Variants in CLIC5 observed in about 807,000 individuals in gnomAD.
The protein encoded by CLIC5 is CLIC family member 5, also known as chloride intracellular channel protein 5.
A neutral mutation model predicts 24.7 loss-of-function variants in CLIC5; 20 were observed. The ratio of observed to expected loss-of-function variants is 0.81; its 90% CI spans 0.57 to 1.18. The LOEUF is 1.18. Ranked by LOEUF, CLIC5 falls within the 50% of genes most tolerant of loss-of-function variation. CLIC5 has a pLI of 0.00. For synonymous variants in CLIC5, 159 were observed against 135.6 expected, an observed-to-expected ratio of 1.17 and a Z score of -1.20; for missense variants, 341 against 326.1, an observed-to-expected ratio of 1.05 and a Z score of -0.35.
At chr6:46,022,208 T>C (rs1174474513) in intron 1 of CLIC5, among the ~76,000 whole-genome samples, 1 of 152,224 alleles carries the variant, frequency 6.6e-6, no homozygotes, top group Admixed American at 6.5e-5. Flanking sequence ...TGACATGTAC[T>C]GTAAAATAAT....
At chr6:46,078,311 G>C (rs1734973577) in intron 1 of CLIC5, among the ~76,000 whole-genome samples, 1 of 151,894 alleles carries the variant, frequency 6.6e-6, no homozygotes, top group South Asian at 2.1e-4. Flanking sequence ...AGTGAGCTGA[G>C]ATCATGCCAT....
chr6:45,906,394 G>A (rs901919727), intron 5 of CLIC5, among the ~76,000 whole-genome samples: 3 of 152,058 alleles, frequency 2.0e-5, no homozygotes, highest in African/African-American at 7.2e-5. Flanking sequence ...TCCTTAAGTA[G>A]TGTTTTATAG....
At chr6:45,940,110 T>C (rs1035142001) in intron 4 of CLIC5, among the ~76,000 whole-genome samples, 3 of 152,198 alleles carry the variant, frequency 2.0e-5, no homozygotes, top group African/African-American at 7.2e-5. Context: ...CCCTGACTTT[T>C]TCTCAACTTC....
At chr6:46,085,188 A>G (rs1254161037), upstream of CLIC5, among the ~76,000 whole-genome samples, 1 of 152,144 alleles carries the variant, frequency 6.6e-6, no homozygotes, top group Non-Finnish European at 1.5e-5. Context: ...AATTTTTTTC[A>G]AAGTTTTTAA....
intron 1 of CLIC5, among the ~76,000 whole-genome samples, chr6:46,066,415 C>T (rs767324143): frequency 1.3e-5 from 2 of 152,106 alleles, no homozygotes. Context: ...GCCATAGACC[C>T]CACTCTACCC....
At chr6:46,005,585 T>TA (rs1766521894) in intron 1 of CLIC5, among the ~76,000 whole-genome samples, 1 of 152,158 alleles carries the variant, frequency 6.6e-6, no homozygotes, top group African/African-American at 2.4e-5. Flanking sequence ...CAGCTTGCCA[T>TA]CAGAGATGCT....
At chr6:45,964,438 G>A (rs1303155717) in intron 1 of CLIC5, among the ~76,000 whole-genome samples, 1 of 152,110 alleles carries the variant, frequency 6.6e-6, no homozygotes. Context: ...CTGGATGAAT[G>A]GAATATGGCA....
At chr6:46,044,930 C>A (rs1399560540) in intron 1 of CLIC5, among the ~76,000 whole-genome samples, 1 of 152,142 alleles carries the variant, frequency 6.6e-6, no homozygotes, top group African/African-American at 2.4e-5. Context: ...ATGGGAGATT[C>A]ATCTCCTGTG....
chr6:46,042,849 C>G (rs746061432), intron 1 of CLIC5, among the ~76,000 whole-genome samples: 3 of 152,112 alleles, frequency 2.0e-5, no homozygotes, highest in Non-Finnish European at 4.4e-5. Flanking sequence ...AGAGACAAAG[C>G]TAGAATCCAG....
the CLIC5 span, among the ~76,000 whole-genome samples, chr6:46,108,078 G>T: frequency 7.3e-6 from 1 of 137,430 alleles, no homozygotes. Flanking sequence ...ACAGAAAGTT[G>T]GAAAGAAAGA....
intron 1 of CLIC5, among the ~76,000 whole-genome samples, chr6:46,065,518 A>G (rs1762418129): frequency 1.3e-5 from 2 of 152,192 alleles, no homozygotes; most frequent in Admixed American, 1.3e-4. Flanking sequence ...AAAGAATCCA[A>G]GTGCCCTCAA....
intron 2 of CLIC5, among the ~76,000 whole-genome samples, chr6:45,953,430 G>T (rs967502748): frequency 6.6e-6 from 1 of 152,096 alleles, no homozygotes; most frequent in Non-Finnish European, 1.5e-5. Flanking sequence ...TTACAGAGGG[G>T]ATGGGCTGAA....
chr6:46,034,531 G>A (rs1364106208), intron 1 of CLIC5, among the ~76,000 whole-genome samples: 1 of 152,196 alleles, frequency 6.6e-6, no homozygotes. Context: ...GAGCCCAGGA[G>A]TTCAAGTCTG....
At chr6:45,964,842 A>G (rs1764966393) in intron 1 of CLIC5, among the ~76,000 whole-genome samples, 1 of 152,216 alleles carries the variant, frequency 6.6e-6, no homozygotes, top group African/African-American at 2.4e-5. Context: ...GTTACTCAGC[A>G]GGCAACTCAC....
chr6:46,127,611 C>T, the CLIC5 span, among the ~76,000 whole-genome samples: 1 of 152,136 alleles, frequency 6.6e-6, no homozygotes, highest in Non-Finnish European at 1.5e-5. Flanking sequence ...CTTTTATTAT[C>T]ATTAAAGTTC....
chr6:46,015,917 C>G (rs1766988302), upstream of CLIC5: 1 of 1,004,046 alleles, frequency 1.0e-6, no homozygotes. Flanking sequence ...CGGGGTCAGC[C>G]GGGCGGGGAC....
At chr6:45,946,810 G>A (rs1211248978) in intron 3 of CLIC5, among the ~76,000 whole-genome samples, 2 of 152,232 alleles carry the variant, frequency 1.3e-5, no homozygotes, top group Admixed American at 6.5e-5. Flanking sequence ...ATAATCCTGG[G>A]ATGCTCTGGA....
intron 5 of CLIC5, among the ~76,000 whole-genome samples, chr6:45,906,665 C>T (rs1457021206): frequency 2.6e-5 from 4 of 151,704 alleles, no homozygotes; most frequent in Non-Finnish European, 5.9e-5. Context: ...TGGATTCAAG[C>T]GATTCTCCTG....
chr6:46,089,346 A>G, the CLIC5 span, among the ~76,000 whole-genome samples: 3 of 152,238 alleles, frequency 2.0e-5, no homozygotes, highest in East Asian at 5.8e-4. Context: ...GACCTTGGGC[A>G]CAATCATCTA....
Sources: gnomAD v4.1 joint callset for allele counts (sites outside exome capture counted in the v4.1 genomes callset) on GRCh38, gnomAD v4.1.1 for gene constraint, MANE v1.5 for transcripts, NCBI Gene and HGNC (gene_info 2026-07-23, HGNC 2026-07-21) for gene names.